Variants in GOLIM4 observed in about 807,000 individuals in gnomAD.
GOLIM4 encodes the protein golgi integral membrane protein 4.
GOLIM4 carries 71 observed loss-of-function variants against 107.4 expected under a neutral mutation model. The ratio of observed to expected loss-of-function variants is 0.66; its 90% CI spans 0.55 to 0.81. The LOEUF is 0.81. GOLIM4 is among the 30% of genes least tolerant of loss of function. The pLI is 0.00. For missense variants in GOLIM4, 830 were observed against 826.1 expected, an observed-to-expected ratio of 1.00 and a Z score of -0.06; for synonymous variants, 327 against 294.8, an observed-to-expected ratio of 1.11 and a Z score of -1.12.
At chr3:168,060,361 G>A (rs954278363) in intron 1 of GOLIM4, among the ~76,000 whole-genome samples, 1 of 152,206 alleles carries the variant, frequency 6.6e-6, no homozygotes, top group Admixed American at 6.5e-5. Context: ...TGGAAGAAGA[G>A]GACCAGTGTG....
chr3:168,062,366 A>G (rs781565479), intron 1 of GOLIM4, among the ~76,000 whole-genome samples: 25 of 150,084 alleles, frequency 1.7e-4, no homozygotes, highest in Non-Finnish European at 3.4e-4. Context: ...GAACACATTC[A>G]TGCTTTCTAT....
At chr3:168,038,590 T>C (rs1015934102) in intron 7 of GOLIM4, among the ~76,000 whole-genome samples, 2 of 152,336 alleles carry the variant, frequency 1.3e-5, no homozygotes, top group Admixed American at 6.5e-5. Flanking sequence ...TTTATTTAGT[T>C]ATAAAAGGGT....
In GOLIM4 at chr3:168,010,378, C is replaced by G. The variant is rs192864785; in HGVS notation, c.1982G>C (p.Arg661Pro). Residue 661 changes from arginine (R) to proline (P), a missense_variant, in exon 16 of 16, where the codon CGA becomes CCA. Transcript: ENST00000470487. ...KNNDGEEQEV[R>P]DDNRPKGREE... Reference sequence around the variant, plus strand: ...TCGGCCTTTGGGGCGGTTGTCATCTCGAACTTCTTGCTCTTCTCCATCATT... The same window carrying G: ...TCGGCCTTTGGGGCGGTTGTCATCTGGAACTTCTTGCTCTTCTCCATCATT... 12 of 1,611,774 alleles carry G rather than the reference C, an allele frequency of 7.4e-6. No homozygotes were observed. Among genetic ancestry groups the G allele is most frequent in the South Asian group, 1.1e-5 (1 of 90,898 alleles).
rs543907894 is a variant in GOLIM4, at chr3:168,040,983, G to C, written c.601-114C>G. 1.3e-5 allele frequency: 9 copies of C among 685,706 alleles called. No homozygotes were observed. In the African/African-American group the frequency reaches 1.6e-4, roughly 12 times the overall value. The allele number at this position is 685,706 out of a possible 1,614,324, so 42.5% of individuals were successfully genotyped here. A position where few individuals can be genotyped will look rare whatever the true frequency, so the allele number is the denominator to read the frequency against. ...ACTTGCTTGTTTATTTGTTGTTGTAGCAGCATGTGTTAAGTTTAAAAATCA... is the reference window on the plus strand; with the variant it reads ...ACTTGCTTGTTTATTTGTTGTTGTACCAGCATGTGTTAAGTTTAAAAATCA... On this transcript the variant is annotated intron_variant, in intron 6 of 15. Transcript: ENST00000470487.
At chr3:168,086,494 C>T (rs1265905186) in intron 1 of GOLIM4, among the ~76,000 whole-genome samples, 1 of 152,098 alleles carries the variant, frequency 6.6e-6, no homozygotes, top group Non-Finnish European at 1.5e-5. Flanking sequence ...GTCTGACTCT[C>T]CTAAAATGAT....
chr3:168,044,898 A>C lies in GOLIM4; in HGVS notation c.313-17T>G, dbSNP rs1318359174. On this transcript the variant is annotated splice_polypyrimidine_tract_variant and intron_variant, in intron 3 of 15. Coordinates refer to ENST00000470487, the MANE Select transcript of GOLIM4 (RefSeq NM_014498.5). ...GGAATCTTGCTGTAAATCAAAAAAAAAAAAGAAAACACAAAGATAAATATG... is the reference window on the plus strand; with the variant it reads ...GGAATCTTGCTGTAAATCAAAAAAACAAAAGAAAACACAAAGATAAATATG... The C allele has an allele frequency of 3.3e-6, 5 of 1,498,888 alleles. No individual in the cohort carries two copies. The highest frequency in any genetic ancestry group is 2.1e-5 in the Admixed American group (1 of 47,432). 92.8% of individuals were successfully genotyped at this position (1,498,888 alleles called of 1,614,324 possible). A position where few individuals can be genotyped will look rare whatever the true frequency, so the allele number is the denominator to read the frequency against.
chr3:168,037,670 C>T (rs1718739372), intron 7 of GOLIM4, among the ~76,000 whole-genome samples: 1 of 152,132 alleles, frequency 6.6e-6, no homozygotes, highest in Non-Finnish European at 1.5e-5. Flanking sequence ...GACAAAGGTA[C>T]TAACACAGGT....
At position 168,083,703 on chromosome 3, in the gene GOLIM4, G is replaced by A. The variant is rs562869506; in HGVS notation, c.187+11396C>T. ...GGTACCCAGCAAGTGCTCAATGAATGTTAGCTTATGACAACTTTGGGAATA... is the reference window on the plus strand; with the variant it reads ...GGTACCCAGCAAGTGCTCAATGAATATTAGCTTATGACAACTTTGGGAATA... On this transcript the variant is annotated intron_variant, in intron 1 of 15. Transcript: ENST00000470487. Among the ~76,000 whole-genome samples, 8 of 152,300 alleles carry A rather than the reference G, an allele frequency of 5.3e-5. No homozygotes were observed. The East Asian group carries it at 5.8e-4, about 11-fold the overall frequency.
chr3:168,073,325 C>G (rs1720926202), intron 1 of GOLIM4, among the ~76,000 whole-genome samples: 2 of 152,138 alleles, frequency 1.3e-5, no homozygotes. Flanking sequence ...TAAGATAAAC[C>G]AGTAAATATG....
Position 168,089,062 on chromosome 3 carries a change from C to T in GOLIM4, c.187+6037G>A, listed in dbSNP as rs1560112830. ...TGTGAAATCGATTATAGATTATGTG[C>T]AAATCATACATATTCAAAAGAATGC... is the stretch of plus-strand genomic sequence containing the variant. On this transcript the variant is annotated intron_variant, in intron 1 of 15. Transcript: ENST00000470487. 2.0e-5 allele frequency among the ~76,000 whole-genome samples: 3 copies of T among 152,274 alleles called. No homozygotes were observed. The East Asian group carries it at 5.8e-4, about 29-fold the overall frequency.
intron 14 of GOLIM4, among the ~76,000 whole-genome samples, chr3:168,022,333 T>TA (rs72025617): frequency 2.9e-3 from 417 of 143,344 alleles, no homozygotes; most frequent in Middle Eastern, 3.6e-3. Context: ...AAATGGAGAT[T>TA]AAAAAAAAAA....
intron 14 of GOLIM4, among the ~76,000 whole-genome samples, chr3:168,013,416 C>T (rs1717172529): frequency 6.6e-6 from 1 of 151,872 alleles, no homozygotes; most frequent in African/African-American, 2.4e-5. Flanking sequence ...TACAAAGAGA[C>T]TTAGACTCCC....
chr3:168,089,443 C>T (rs1293889049), intron 1 of GOLIM4, among the ~76,000 whole-genome samples: 3 of 152,218 alleles, frequency 2.0e-5, no homozygotes, highest in African/African-American at 4.8e-5. Flanking sequence ...CCCTTCTAAG[C>T]ACTGCACATC....
intron 1 of GOLIM4, among the ~76,000 whole-genome samples, chr3:168,078,811 A>C (rs910965008): frequency 6.6e-6 from 1 of 152,232 alleles, no homozygotes; most frequent in Non-Finnish European, 1.5e-5. Context: ...GCACATGCCC[A>C]GTAAGCATGA....
At chr3:168,031,143 A>C (rs1236715419) in intron 9 of GOLIM4, among the ~76,000 whole-genome samples, 2 of 152,198 alleles carry the variant, frequency 1.3e-5, no homozygotes, top group African/African-American at 4.8e-5. Flanking sequence ...AGCTTAAAAA[A>C]GCGATATTGA....
At chr3:168,033,762 T>C (rs1718483664) in intron 8 of GOLIM4, among the ~76,000 whole-genome samples, 1 of 152,030 alleles carries the variant, frequency 6.6e-6, no homozygotes, top group African/African-American at 2.4e-5. Context: ...GACTCTTTTG[T>C]AAACATTTTT....
chr3:168,055,442 T>C (rs998517248), intron 1 of GOLIM4, among the ~76,000 whole-genome samples: 1 of 152,146 alleles, frequency 6.6e-6, no homozygotes, highest in African/African-American at 2.4e-5. Context: ...TGTGGAACTT[T>C]GAACTTGAGA....
intron 1 of GOLIM4, among the ~76,000 whole-genome samples, chr3:168,081,817 C>T (rs1048116024): frequency 3.3e-5 from 5 of 152,252 alleles, no homozygotes; most frequent in South Asian, 4.1e-4. Flanking sequence ...TTTTATTTTA[C>T]TAAGAAATTA....
intron 14 of GOLIM4, among the ~76,000 whole-genome samples, chr3:168,012,902 A>C (rs1428123408): frequency 6.6e-6 from 1 of 151,834 alleles, no homozygotes; most frequent in Non-Finnish European, 1.5e-5. Context: ...CTAAACATGG[A>C]AAGGAACAAC....
Sources: gnomAD v4.1 joint callset for allele counts (sites outside exome capture counted in the v4.1 genomes callset) on GRCh38, gnomAD v4.1.1 for gene constraint, MANE v1.5 for transcripts, NCBI Gene and HGNC (gene_info 2026-07-23, HGNC 2026-07-21) for gene names.